NUDT14: variants seen among roughly 807,000 people sequenced by gnomAD.
The protein encoded by NUDT14 is nudix hydrolase 14, also known as uridine diphosphate glucose pyrophosphatase NUDT14.
Under a neutral mutation model 17.5 loss-of-function variants are expected in NUDT14, and 22 were observed. The ratio of observed to expected loss-of-function variants is 1.26; its 90% CI spans 0.90 to 1.80. NUDT14 has a LOEUF of 1.80. Ranked by LOEUF, NUDT14 falls within the 40% of genes most tolerant of loss-of-function variation. The probability of loss-of-function intolerance (pLI) is 0.00; values close to 1 mark genes in which losing one functional copy is unlikely to be tolerated. For missense variants in NUDT14, 296 were observed against 295.6 expected, an observed-to-expected ratio of 1.00 and a Z score of -0.01; for synonymous variants, 129 against 125.8, an observed-to-expected ratio of 1.03 and a Z score of -0.17.
Position 105,176,665 on chromosome 14 carries a change from C to T in NUDT14, c.297G>A (p.Val99=). The T allele has an allele frequency of 1.2e-6, 2 of 1,612,776 alleles. No individual in the cohort carries two copies. The highest frequency in any genetic ancestry group is 1.7e-6 in the Non-Finnish European group (2 of 1,179,964). Residue 99 remains valine (V), a synonymous_variant, in exon 4 of 5, where the codon GTG becomes GTA. Coordinates refer to ENST00000392568, the MANE Select transcript of NUDT14 (RefSeq NM_177533.5). ...LQPALPGSAG[V]TVELCAGLVD... ...CGAGGCCGGCACACAGCTCAACTGTCACCCCCGCTGAGCCGGGCAGGGCTG... is the reference window on the plus strand; with the variant it reads ...CGAGGCCGGCACACAGCTCAACTGTTACCCCCGCTGAGCCGGGCAGGGCTG...
At chr14:105,179,555 A>G (rs1224595788) in intron 1 of NUDT14, among the ~76,000 whole-genome samples, 1 of 152,226 alleles carries the variant, frequency 6.6e-6, no homozygotes, top group East Asian at 1.9e-4. Flanking sequence ...GGAGTGAGGG[A>G]GAGAGTGCTG....
At chr14:105,177,076 G>A (rs778081276) in intron 2 of NUDT14, 49 bp from the exon 3 acceptor site, 221 of 1,570,362 alleles carry the variant, frequency 1.4e-4, no homozygotes, top group Non-Finnish European at 1.8e-4. Flanking sequence ...ACTGGCCCTC[G>A]TGGGGCCCCA....
chr14:105,177,245 T>G, intron 2 of NUDT14: 1 of 650,114 alleles, frequency 1.5e-6, no homozygotes, highest in South Asian at 1.7e-5. Context: ...GTATTCCAGC[T>G]GGCAGGATGG....
At position 105,181,017 on chromosome 14, in the gene NUDT14, G is replaced by C. The variant is rs1889314992; in HGVS notation, c.81+112C>G. ...CGGCCGCCCGGGAGATCGGCGGGAGGCGGGGGCGGGGCTCCGGGGCGGGGC... is the reference window on the plus strand; with the variant it reads ...CGGCCGCCCGGGAGATCGGCGGGAGCCGGGGGCGGGGCTCCGGGGCGGGGC... On this transcript the variant is annotated intron_variant, in intron 1 of 4. Transcript: ENST00000392568. The surrounding 1 kb of genome is among the most constrained non-coding windows in gnomAD (Gnocchi z 5.0). 2 of 280,084 alleles carry C rather than the reference G, an allele frequency of 7.1e-6. No homozygotes were observed. Among genetic ancestry groups the C allele is most frequent in the South Asian group, 1.2e-4 (1 of 8,098 alleles). 17.3% of individuals were successfully genotyped at this position (280,084 alleles called of 1,614,324 possible).
intron 4 of NUDT14, chr14:105,176,032 G>A (rs1366191972): frequency 9.0e-6 from 11 of 1,226,038 alleles, no homozygotes; most frequent in Non-Finnish European, 1.2e-5. Context: ...GTCCTGGGAA[G>A]GCAACCCCAC....
chr14:105,178,646 C>T (rs1170034601), intron 1 of NUDT14, among the ~76,000 whole-genome samples: 3 of 152,232 alleles, frequency 2.0e-5, no homozygotes, highest in African/African-American at 7.2e-5. Context: ...ATCTGCCACT[C>T]TGAGGCCCAG....
At chr14:105,174,643 G>A (rs1008103828) in intron 4 of NUDT14, among the ~76,000 whole-genome samples, 3 of 152,174 alleles carry the variant, frequency 2.0e-5, no homozygotes, top group Non-Finnish European at 2.9e-5. Context: ...CGGCGGCCGC[G>A]GCTGCGCCTC....
chr14:105,173,861 G>C lies in NUDT14; in HGVS notation c.429-600C>G, dbSNP rs141094344. Among the ~76,000 whole-genome samples, 32 of 151,856 alleles carry C rather than the reference G, an allele frequency of 2.1e-4. No homozygotes were observed. Among genetic ancestry groups the C allele is most frequent in the Admixed American group, 4.6e-4 (7 of 15,264 alleles). The stretch of plus-strand genomic sequence containing the variant: ...TGCAGCCCCCAACCAGATACCCTGA[G>C]GCTGTTCCCAGTGCTGTTTGGAGCC... On this transcript the variant is annotated intron_variant, in intron 4 of 4. Transcript: ENST00000392568. The surrounding 1 kb of genome is among the most constrained non-coding windows in gnomAD (Gnocchi z 4.7).
In NUDT14 at chr14:105,181,061, T is replaced by G. The variant is rs1232925614; in HGVS notation, c.81+68A>C. ...GCGGGGCCGGCAGCGCGGAAGATGG[T>G]GGGCGGGGCGCGGGTCGTGGGCCGG... On this transcript the variant is annotated intron_variant, in intron 1 of 4. Transcript: ENST00000392568. The surrounding 1 kb of genome is among the most constrained non-coding windows in gnomAD (Gnocchi z 5.0). 1 of 423,462 alleles carries G rather than the reference T, an allele frequency of 2.4e-6. No homozygotes were observed. Among genetic ancestry groups the G allele is most frequent in the African/African-American group, 2.2e-5 (1 of 45,008 alleles). 26.2% of individuals were successfully genotyped at this position (423,462 alleles called of 1,614,324 possible). A position where few individuals can be genotyped will look rare whatever the true frequency, so the allele number is the denominator to read the frequency against.
Position 105,181,093 on chromosome 14 carries a change from G to A in NUDT14, c.81+36C>T. The A allele has an allele frequency of 1.3e-6, 1 of 784,474 alleles. No homozygotes were observed. The allele number at this position is 784,474 out of a possible 1,614,324, so 48.6% of individuals were successfully genotyped here. A position where few individuals can be genotyped will look rare whatever the true frequency, so the allele number is the denominator to read the frequency against. ...GGCGCGGGTCGTGGGCCGGGCCGCC[G>A]GCGGGGGCGCGGGGGACGCGGGGGC... is the stretch of plus-strand genomic sequence containing the variant. On this transcript the variant is annotated intron_variant, in intron 1 of 4. Coordinates refer to ENST00000392568, the MANE Select transcript of NUDT14 (RefSeq NM_177533.5). This position sits in a 1 kb window ranked among gnomAD's most constrained non-coding sequence, Gnocchi z 5.0.
At chr14:105,174,517 C>A (rs1019133360) in intron 4 of NUDT14, among the ~76,000 whole-genome samples, 1 of 152,102 alleles carries the variant, frequency 6.6e-6, no homozygotes, top group Non-Finnish European at 1.5e-5. Flanking sequence ...CCATGCCCCA[C>A]CCCCAAGGCC....
intron 4 of NUDT14, among the ~76,000 whole-genome samples, chr14:105,174,593 C>T (rs1181632490): frequency 6.6e-6 from 1 of 152,190 alleles, no homozygotes; most frequent in Non-Finnish European, 1.5e-5. Flanking sequence ...CCTCTAGCCC[C>T]TCACCTCCCG....
chr14:105,175,652 G>A (rs1009350652), intron 4 of NUDT14: 86 of 919,254 alleles, frequency 9.4e-5, no homozygotes, highest in Admixed American at 1.2e-4. Flanking sequence ...CGCCTGCCTC[G>A]GCCTCCCAAA....
In NUDT14 at chr14:105,173,336, A is replaced by AACCCACCCTCTC; in HGVS notation, c.429-87_429-76dup. The AACCCACCCTCTC allele has an allele frequency of 2.9e-6, 4 of 1,397,026 alleles. No individual in the cohort carries two copies. The South Asian group carries it at 6.8e-5, about 24-fold the overall frequency. The allele number at this position is 1,397,026 out of a possible 1,614,324, so 86.5% of individuals were successfully genotyped here. On this transcript the variant is annotated intron_variant, in intron 4 of 4. Transcript: ENST00000392568. This position sits in a 1 kb window ranked among gnomAD's most constrained non-coding sequence, Gnocchi z 4.7. ...CCCCCTGGCCCTTCTACCACCCTCC[A>AACCCACCCTCTC]ACCCACCCTCTCCACTCTGCTCCCT... is the stretch of plus-strand genomic sequence containing the variant.
In NUDT14 at chr14:105,173,267, G is replaced by A. The variant is rs1012867083; in HGVS notation, c.429-6C>T. 1.3e-6 allele frequency: 2 copies of A among 1,516,814 alleles called. No homozygotes were observed. The highest frequency in any genetic ancestry group is 2.6e-5 in the South Asian group (2 of 75,736). The allele number at this position is 1,516,814 out of a possible 1,614,324, so 94.0% of individuals were successfully genotyped here. On this transcript the variant is annotated splice_polypyrimidine_tract_variant and splice_region_variant and intron_variant, in intron 4 of 4. Coordinates refer to ENST00000392568, the MANE Select transcript of NUDT14 (RefSeq NM_177533.5). This position sits in a 1 kb window ranked among gnomAD's most constrained non-coding sequence, Gnocchi z 4.7. ...CAGTCAGTCCCACTCCAGACCTACG[G>A]GTTGAGACAGGGTCTGCTGAGTCAC...
intron 1 of NUDT14, among the ~76,000 whole-genome samples, chr14:105,180,254 C>A (rs953893852): frequency 6.6e-6 from 1 of 152,128 alleles, no homozygotes; most frequent in Non-Finnish European, 1.5e-5. Flanking sequence ...TCGGTTGAGG[C>A]CAGAAGTTCA....
chr14:105,177,781 G>A (rs1250837911), intron 1 of NUDT14, 46 bp from the exon 2 acceptor site: 10 of 1,591,474 alleles, frequency 6.3e-6, no homozygotes, highest in Non-Finnish European at 8.6e-6. Context: ...GATGGGCGGA[G>A]GTGCTCGGGG....
Position 105,181,041 on chromosome 14 carries a change from G to T in NUDT14, c.81+88C>A. 1 of 354,564 alleles carries T rather than the reference G, an allele frequency of 2.8e-6. No individual in the cohort carries two copies. Among genetic ancestry groups the T allele is most frequent in the Non-Finnish European group, 4.0e-6 (1 of 248,528 alleles). 22.0% of individuals were successfully genotyped at this position (354,564 alleles called of 1,614,324 possible). A position where few individuals can be genotyped will look rare whatever the true frequency, so the allele number is the denominator to read the frequency against. On this transcript the variant is annotated intron_variant, in intron 1 of 4. Coordinates refer to ENST00000392568, the MANE Select transcript of NUDT14 (RefSeq NM_177533.5). This position sits in a 1 kb window ranked among gnomAD's most constrained non-coding sequence, Gnocchi z 5.0. ...GGCGGGGGCGGGGCTCCGGGGCGGG[G>T]CCGGCAGCGCGGAAGATGGTGGGCG...
At chr14:105,179,093 T>C (rs587734777) in intron 1 of NUDT14, among the ~76,000 whole-genome samples, 39 of 152,072 alleles carry the variant, frequency 2.6e-4, no homozygotes, top group African/African-American at 8.2e-4. Context: ...CCACCACTGC[T>C]TCCCCCCGAG....
Sources: gnomAD v4.1 joint callset for allele counts (sites outside exome capture counted in the v4.1 genomes callset) on GRCh38, gnomAD v4.1.1 for gene constraint, Gnocchi (gnomAD v3.1) non-coding constraint, MANE v1.5 for transcripts, NCBI Gene and HGNC (gene_info 2026-07-23, HGNC 2026-07-21) for gene names.